Variants in TMEM178B observed in about 807,000 individuals in gnomAD.
TMEM178B encodes the protein transmembrane protein 178B.
In TMEM178B, 5 loss-of-function variants were observed where a neutral mutation model predicts 31.0. That is an observed-to-expected ratio of 0.16 (90% CI 0.08 to 0.34). TMEM178B has a LOEUF of 0.34. Among genes scored for constraint, TMEM178B ranks in the 10% least tolerant of loss-of-function variants. The pLI is 1.00. For synonymous variants in TMEM178B, 164 were observed against 164.0 expected, an observed-to-expected ratio of 1.00 and a Z score of 0.00; for missense variants, 275 against 400.3, an observed-to-expected ratio of 0.69 and a Z score of 2.67.
At chr7:141,456,864 C>T (rs1284097408) in intron 3 of TMEM178B, among the ~76,000 whole-genome samples, 3 of 152,194 alleles carry the variant, frequency 2.0e-5, no homozygotes, top group African/African-American at 7.2e-5. Flanking sequence ...TGAGGATGCT[C>T]CTTACTGCAC....
At position 141,377,269 on chromosome 7, in the gene TMEM178B, C is replaced by T. The variant is rs185244597; in HGVS notation, c.497-60339C>T. ...AGCTATCTCGGCTCACTGCAACCTC[C>T]GCCTCCCGGGTTCAAGTGATTCTTC... is the stretch of plus-strand genomic sequence containing the variant. On this transcript the variant is annotated intron_variant, in intron 2 of 3. Coordinates refer to ENST00000565468, the MANE Select transcript of TMEM178B (RefSeq NM_001195278.2). Among the ~76,000 whole-genome samples, 128 of 151,796 alleles carry T rather than the reference C, an allele frequency of 8.4e-4. 1 individual carries two copies. Among genetic ancestry groups the T allele is most frequent in the African/African-American group, 2.6e-3 (106 of 41,438 alleles).
chr7:141,508,653 C>T, the TMEM178B span, among the ~76,000 whole-genome samples: 134 of 152,144 alleles, frequency 8.8e-4, no homozygotes, highest in African/African-American at 3.0e-3. Flanking sequence ...TGGCGGGAGG[C>T]GAAAGGCACT....
chr7:141,340,566 T>C (rs564624851), intron 2 of TMEM178B, among the ~76,000 whole-genome samples: 7 of 152,370 alleles, frequency 4.6e-5, no homozygotes, highest in Non-Finnish European at 1.0e-4. Context: ...TCAAGAGATA[T>C]TGTGTGCTCC....
intron 1 of TMEM178B, among the ~76,000 whole-genome samples, chr7:141,131,405 G>A (rs1795592939): frequency 6.6e-6 from 1 of 152,090 alleles, no homozygotes; most frequent in Non-Finnish European, 1.5e-5. Context: ...TACCAGCTGA[G>A]TGTAACTATC....
rs142407193 is a variant in TMEM178B, at chr7:141,158,789, C to T, written c.383-53802C>T. Among the ~76,000 whole-genome samples, 764 of 152,176 alleles carry T rather than the reference C, an allele frequency of 5.0e-3. 9 individuals are homozygous for T. The highest frequency in any genetic ancestry group is 8.6e-3 in the Non-Finnish European group (583 of 68,028). Reference sequence around the variant, plus strand: ...TTGGAGATGCGGTCTGACTTCCTGCCAGCCTGCATGCCGAAAGAACAAGCC... The same window carrying T: ...TTGGAGATGCGGTCTGACTTCCTGCTAGCCTGCATGCCGAAAGAACAAGCC... On this transcript the variant is annotated intron_variant, in intron 1 of 3. Coordinates refer to ENST00000565468, the MANE Select transcript of TMEM178B (RefSeq NM_001195278.2).
At chr7:141,346,796 A>G (rs1799627812) in intron 2 of TMEM178B, among the ~76,000 whole-genome samples, 1 of 152,200 alleles carries the variant, frequency 6.6e-6, no homozygotes, top group South Asian at 2.1e-4. Flanking sequence ...TTACAATTAG[A>G]AAGCAAATTT....
chr7:141,250,459 C>A (rs1464846584), intron 2 of TMEM178B, among the ~76,000 whole-genome samples: 5 of 152,200 alleles, frequency 3.3e-5, no homozygotes, highest in Non-Finnish European at 5.9e-5. Flanking sequence ...ACAATATGTC[C>A]TCTCCGTGTA....
intron 2 of TMEM178B, among the ~76,000 whole-genome samples, chr7:141,398,337 T>C (rs576206458): frequency 1.3e-5 from 2 of 152,304 alleles, no homozygotes; most frequent in African/African-American, 4.8e-5. Context: ...TCTGGGAACA[T>C]TGAGGATGGA....
intron 2 of TMEM178B, among the ~76,000 whole-genome samples, chr7:141,320,669 C>G (rs976585842): frequency 3.3e-5 from 5 of 152,190 alleles, no homozygotes; most frequent in African/African-American, 9.7e-5. Flanking sequence ...ATTCACTCAG[C>G]ACATTGGTGC....
chr7:141,419,306 C>T (rs756235058), intron 2 of TMEM178B, among the ~76,000 whole-genome samples: 11 of 152,198 alleles, frequency 7.2e-5, no homozygotes, highest in Non-Finnish European at 1.6e-4. Flanking sequence ...GAGTCTGTGT[C>T]TTGGTCAAGG....
chr7:141,316,693 A>G (rs1430825567), intron 2 of TMEM178B, among the ~76,000 whole-genome samples: 2 of 152,218 alleles, frequency 1.3e-5, no homozygotes, highest in East Asian at 3.8e-4. Flanking sequence ...TTCCTGCTCC[A>G]TGGGGTTCAT....
intron 2 of TMEM178B, among the ~76,000 whole-genome samples, chr7:141,348,905 T>A (rs770357557): frequency 3.9e-5 from 6 of 152,018 alleles, no homozygotes; most frequent in Non-Finnish European, 8.8e-5. Context: ...CTGGCGGAGC[T>A]CATGACAGAG....
At chr7:141,195,135 AT>A (rs1233079200) in intron 1 of TMEM178B, among the ~76,000 whole-genome samples, 14 of 152,174 alleles carry the variant, frequency 9.2e-5, no homozygotes, top group African/African-American at 3.4e-4. Context: ...CATTTTCCCC[AT>A]GGTCTTGTGG....
chr7:141,353,426 T>C (rs1438960019), intron 2 of TMEM178B, among the ~76,000 whole-genome samples: 1 of 152,204 alleles, frequency 6.6e-6, no homozygotes, highest in Non-Finnish European at 1.5e-5. Flanking sequence ...AACAGAACTG[T>C]TGGTAGTTTC....
intron 1 of TMEM178B, among the ~76,000 whole-genome samples, chr7:141,128,026 C>T (rs534200863): frequency 3.4e-4 from 52 of 152,068 alleles, no homozygotes; most frequent in Non-Finnish European, 6.3e-4. Context: ...AATTCCAGTT[C>T]GCTGGCTATT....
intron 2 of TMEM178B, among the ~76,000 whole-genome samples, chr7:141,348,944 G>A (rs1228786758): frequency 2.0e-5 from 3 of 152,142 alleles, no homozygotes; most frequent in Admixed American, 6.5e-5. Flanking sequence ...ACTGGGTAAC[G>A]GCGGCAGGGT....
At chr7:141,165,821 A>C (rs1264669227) in intron 1 of TMEM178B, among the ~76,000 whole-genome samples, 1 of 152,194 alleles carries the variant, frequency 6.6e-6, no homozygotes, top group Non-Finnish European at 1.5e-5. Flanking sequence ...CTTCTCTGGG[A>C]TGTTTGCCCT....
intron 3 of TMEM178B, among the ~76,000 whole-genome samples, 200 bp downstream of exon 3, chr7:141,437,945 A>G (rs979047126): frequency 1.2e-4 from 18 of 152,310 alleles, no homozygotes; most frequent in African/African-American, 3.8e-4. Flanking sequence ...TACAAAGGAA[A>G]ATAAGACACG....
chr7:141,199,497 G>A (rs1243804936), intron 1 of TMEM178B, among the ~76,000 whole-genome samples: 4 of 152,188 alleles, frequency 2.6e-5, no homozygotes, highest in Non-Finnish European at 5.9e-5. Context: ...GTGCCTGGTG[G>A]TCCCCCAGTG....
Sources: allele counts gnomAD v4.1 joint callset (sites outside exome capture counted in the v4.1 genomes callset), GRCh38; gene constraint gnomAD v4.1.1; transcripts MANE v1.5; gene names NCBI Gene and HGNC (gene_info 2026-07-23, HGNC 2026-07-21).